Variants in MDGA1 observed in about 807,000 individuals in gnomAD.
MDGA1 encodes the protein MAM domain containing glycosylphosphatidylinositol anchor 1.
Under a neutral mutation model 101.5 loss-of-function variants are expected in MDGA1, and 54 were observed. That is an observed-to-expected ratio of 0.53 (90% CI 0.43 to 0.67). The LOEUF (loss-of-function observed/expected upper bound fraction) is 0.67, where lower values mean the gene tolerates loss of function less well. Ranked by LOEUF, MDGA1 falls within the 30% of genes least tolerant of loss-of-function variation. MDGA1 has a pLI of 0.00. For missense variants in MDGA1, 1,083 were observed against 1,323.8 expected (o/e 0.82, Z 2.82); for synonymous variants, 533 against 558.3 (o/e 0.95, Z 0.64).
In MDGA1 at chr6:37,635,359, C is replaced by T. The variant is rs1763902596; in HGVS notation, c.*2009G>A. On this transcript the variant is annotated 3_prime_UTR_variant, in exon 17 of 17. Transcript: ENST00000434837. ...GGACTTGGAAGGCTCAGAGGAGGAG[C>T]TCACAGTCTAGTTGGGGCAATGGAC... The T allele has an allele frequency of 2.5e-6, 1 of 397,932 alleles. No homozygotes were observed. The highest frequency in any genetic ancestry group is 3.6e-5 in the East Asian group (1 of 28,074). The allele number at this position is 397,932 out of a possible 1,614,324, so 24.7% of individuals were successfully genotyped here. A position where few individuals can be genotyped will look rare whatever the true frequency, so the allele number is the denominator to read the frequency against.
At chr6:37,669,513 T>G (rs1761826080) in intron 1 of MDGA1, among the ~76,000 whole-genome samples, 1 of 152,208 alleles carries the variant, frequency 6.6e-6, no homozygotes, top group African/African-American at 2.4e-5. Flanking sequence ...CCCCTTGGCC[T>G]TGGCTTTTCA....
intron 1 of MDGA1, among the ~76,000 whole-genome samples, chr6:37,668,836 T>A (rs146310818): frequency 6.6e-6 from 1 of 151,416 alleles, no homozygotes; most frequent in East Asian, 1.9e-4. Context: ...ACTTTTTCTC[T>A]CTTTCTCTCT....
intron 1 of MDGA1, among the ~76,000 whole-genome samples, chr6:37,667,063 G>A (rs1410859361): frequency 6.6e-6 from 1 of 152,226 alleles, no homozygotes; most frequent in African/African-American, 2.4e-5. Flanking sequence ...TACAGATGCT[G>A]CAAGTAGGGC....
rs1378734144 is a variant in MDGA1, at chr6:37,696,822, G to C, written c.-11C>G. On this transcript the variant is annotated 5_prime_UTR_variant, in exon 1 of 17. Transcript: ENST00000434837. The surrounding 1 kb of genome is among the most constrained non-coding windows in gnomAD (Gnocchi z 5.6). The stretch of plus-strand genomic sequence containing the variant: ...GCAGGTCACCTCCATCTTCACGGCC[G>C]GTGCTTCATCCCCGCGAGGCGGCGC... The C allele has an allele frequency of 4.5e-6, 7 of 1,564,434 alleles. No homozygotes were observed. In the South Asian group the frequency reaches 8.2e-5, roughly 18 times the overall value.
Position 37,696,987 on chromosome 6 carries a change from C to T in MDGA1, c.-176G>A. The T allele has an allele frequency of 1.7e-6, 1 of 590,872 alleles. No homozygotes were observed. The highest frequency in any genetic ancestry group is 2.1e-5 in the South Asian group (1 of 47,192). 36.6% of individuals were successfully genotyped at this position (590,872 alleles called of 1,614,324 possible). On this transcript the variant is annotated 5_prime_UTR_variant, in exon 1 of 17. Transcript: ENST00000434837. The surrounding 1 kb of genome is among the most constrained non-coding windows in gnomAD (Gnocchi z 5.6). ...GCGGAGGTGGCGGCGACCCGTGTTTCTCCTCCGGCGGGGCCGCTGCCCGCG... is the reference window on the plus strand; with the variant it reads ...GCGGAGGTGGCGGCGACCCGTGTTTTTCCTCCGGCGGGGCCGCTGCCCGCG...
chr6:37,688,501 C>A (rs1762244930), intron 1 of MDGA1, among the ~76,000 whole-genome samples: 1 of 152,292 alleles, frequency 6.6e-6, no homozygotes, highest in Middle Eastern at 3.4e-3. Flanking sequence ...CAAGCCACCA[C>A]CCAGCCACCA....
At position 37,651,644 on chromosome 6, in the gene MDGA1, C is replaced by T. The variant is rs148883035; in HGVS notation, c.1312+367G>A. 2.2e-3 allele frequency among the ~76,000 whole-genome samples: 328 copies of T among 152,202 alleles called. 2 individuals are homozygous for T. Among genetic ancestry groups the T allele is most frequent in the Middle Eastern group, 3.4e-3 (1 of 294 alleles). On this transcript the variant is annotated intron_variant, in intron 7 of 16. Coordinates refer to ENST00000434837, the MANE Select transcript of MDGA1 (RefSeq NM_153487.4). ...ACTAAGACATTCCAACTCCCAAGCC[C>T]TCTACACACCGTACAGGCTAAAGAG...
rs73734234 is a variant in MDGA1 at position 37,656,950 on chromosome 6, G to A, written c.383-1054C>T. Among the ~76,000 whole-genome samples, 623 of 152,152 alleles carry A rather than the reference G, an allele frequency of 4.1e-3. 5 individuals are homozygous for A. Among genetic ancestry groups the A allele is most frequent in the African/African-American group, 0.014 (584 of 41,502 alleles). ...GATTTTCTTTTTAATACTGATACCT[G>A]GCAGAGCTCATTGATAGTGTCAAAA... On this transcript the variant is annotated intron_variant, in intron 3 of 16. Transcript: ENST00000434837.
At chr6:37,686,785 C>T (rs534359226) in intron 1 of MDGA1, among the ~76,000 whole-genome samples, 3 of 152,252 alleles carry the variant, frequency 2.0e-5, no homozygotes, top group Non-Finnish European at 4.4e-5. Context: ...GTTTGAGAAC[C>T]ACCACCATGA....
chr6:37,654,051 A>C (rs1410972662), intron 6 of MDGA1, among the ~76,000 whole-genome samples: 2 of 152,148 alleles, frequency 1.3e-5, no homozygotes, highest in Non-Finnish European at 2.9e-5. Context: ...GGAAATGTAG[A>C]TTGTCAACTG....
intron 2 of MDGA1, among the ~76,000 whole-genome samples, chr6:37,662,739 G>A (rs149472786): frequency 3.9e-5 from 6 of 152,186 alleles, no homozygotes; most frequent in Admixed American, 6.5e-5. Context: ...GTGGTAGAAC[G>A]AATGAAACCA....
chr6:37,658,673 G>A (rs1459664384), intron 2 of MDGA1, among the ~76,000 whole-genome samples: 1 of 152,154 alleles, frequency 6.6e-6, no homozygotes, highest in Non-Finnish European at 1.5e-5. Flanking sequence ...CAGTGCCGTG[G>A]TTAAGAGCAT....
chr6:37,647,162 C>T lies in MDGA1; in HGVS notation c.2046+11G>A, dbSNP rs1462256428. ...CACCTGCCCCCAGGCCCCCGCTCCC[C>T]CTTGGCCCACCTGGCGGATGCTGAG... On this transcript the variant is annotated intron_variant, in intron 10 of 16. Coordinates refer to ENST00000434837, the MANE Select transcript of MDGA1 (RefSeq NM_153487.4). The T allele has an allele frequency of 6.3e-7, 1 of 1,588,806 alleles. No individual in the cohort carries two copies. The highest frequency in any genetic ancestry group is 1.3e-5 in the African/African-American group (1 of 74,768).
rs772286726 is a variant in MDGA1, at chr6:37,638,927, A to G, written c.2537-260T>C. ...TCATTTCTTTCCTGCCCTGCTAATC[A>G]GCTAATCTCCCCAACCCCAAACACA... On this transcript the variant is annotated intron_variant, in intron 14 of 16. Coordinates refer to ENST00000434837, the MANE Select transcript of MDGA1 (RefSeq NM_153487.4). The surrounding 1 kb of genome is among the most constrained non-coding windows in gnomAD (Gnocchi z 4.8). 7 of 423,492 alleles carry G rather than the reference A, an allele frequency of 1.7e-5. No individual in the cohort carries two copies. Among genetic ancestry groups the G allele is most frequent in the Non-Finnish European group, 2.6e-5 (6 of 226,866 alleles). The allele number at this position is 423,492 out of a possible 1,614,324, so 26.2% of individuals were successfully genotyped here. A position where few individuals can be genotyped will look rare whatever the true frequency, so the allele number is the denominator to read the frequency against.
intron 14 of MDGA1, among the ~76,000 whole-genome samples, chr6:37,640,424 C>T (rs972785624): frequency 6.6e-6 from 1 of 151,980 alleles, no homozygotes; most frequent in Non-Finnish European, 1.5e-5. Context: ...ACTGCAACCT[C>T]AAACTTCTGG....
Position 37,685,687 on chromosome 6 carries a change from A to G in MDGA1, c.67+11058T>C, listed in dbSNP as rs116242015. Among the ~76,000 whole-genome samples, 314 of 152,202 alleles carry G rather than the reference A, an allele frequency of 2.1e-3. 1 individual carries two copies. The highest frequency in any genetic ancestry group is 7.3e-3 in the African/African-American group (304 of 41,530). On this transcript the variant is annotated intron_variant, in intron 1 of 16. Transcript: ENST00000434837. ...AGGTACCAACCGGTAGACATCAACA[A>G]TCCCAGGGACATGTGAACCGACAGT...
chr6:37,652,279 C>A lies in MDGA1; in HGVS notation c.1044G>T (p.Gln348His), dbSNP rs759126037. The stretch of plus-strand genomic sequence containing the variant: ...ACGATAGCTTCAGGTCCTGGCCCAG[C>A]TGGATGTTCTCACTCTCTTTGATCA... ...PDVIKESENI[Q>H]LGQDLKLSCH... The change falls in exon 7 of 17, where the codon CAG becomes CAT. Residue 348 changes from glutamine (Q) to histidine (H), a missense_variant. Physicochemically the swap from Gln to His is conservative, Grantham distance 24 (BLOSUM62 0). Coordinates refer to ENST00000434837, the MANE Select transcript of MDGA1 (RefSeq NM_153487.4). The surrounding 1 kb of genome is among the most constrained non-coding windows in gnomAD (Gnocchi z 4.3). The A allele has an allele frequency of 6.2e-7, 1 of 1,613,988 alleles. No homozygotes were observed. The highest frequency in any genetic ancestry group is 2.2e-5 in the East Asian group (1 of 44,886).
At chr6:37,689,526 G>A (rs868011330) in intron 1 of MDGA1, among the ~76,000 whole-genome samples, 3 of 152,320 alleles carry the variant, frequency 2.0e-5, no homozygotes, top group South Asian at 2.1e-4. Flanking sequence ...ACAAGCCCAC[G>A]CAGTGAGTAC....
At chr6:37,657,993 G>C (rs1581602507) in intron 3 of MDGA1, among the ~76,000 whole-genome samples, 2 of 152,344 alleles carry the variant, frequency 1.3e-5, no homozygotes, top group South Asian at 2.1e-4. Context: ...TCTGCAGAAG[G>C]AGTGTAAATC....
Sources: gnomAD v4.1 joint callset for allele counts (sites outside exome capture counted in the v4.1 genomes callset) on GRCh38, gnomAD v4.1.1 for gene constraint, Gnocchi (gnomAD v3.1) non-coding constraint, MANE v1.5 for transcripts, NCBI Gene and HGNC (gene_info 2026-07-23, HGNC 2026-07-21) for gene names.